CEP192: variants seen among roughly 807,000 people sequenced by gnomAD.
CEP192 encodes centrosomal protein of 192 kDa.
Under a neutral mutation model 271.8 loss-of-function variants are expected in CEP192, and 151 were observed. That is an observed-to-expected ratio of 0.56 (90% CI 0.49 to 0.64). The LOEUF is 0.64. CEP192 is among the 30% of genes least tolerant of loss of function. The pLI, the probability that CEP192 is intolerant of heterozygous loss-of-function variation, is 0.00. For missense variants in CEP192, 2,910 were observed against 3,020.5 expected, an observed-to-expected ratio of 0.96 and a Z score of 0.86; for synonymous variants, 995 against 1,076.5, an observed-to-expected ratio of 0.92 and a Z score of 1.48.
intron 21 of CEP192, among the ~76,000 whole-genome samples, chr18:13,067,426 G>C (rs997756479): frequency 1.3e-5 from 2 of 152,138 alleles, no homozygotes; most frequent in African/African-American, 4.8e-5. Context: ...CTTTTGATAT[G>C]TCTGTTTTGA....
intron 3 of CEP192, among the ~76,000 whole-genome samples, chr18:13,002,960 G>A (rs957033914): frequency 5.3e-5 from 8 of 152,070 alleles, no homozygotes; most frequent in African/African-American, 1.9e-4. Context: ...TTTTGACTGA[G>A]TGCCTACTGT....
At chr18:13,096,116 AGTT>A in intron 35 of CEP192, 65 bp from the exon 36 acceptor site, 2 of 1,510,126 alleles carry the variant, frequency 1.3e-6, no homozygotes, top group Non-Finnish European at 1.8e-6. Flanking sequence ...CTGGTTTATT[AGTT>A]GTTAATATTT....
intron 2 of CEP192, chr18:13,000,475 A>C (rs1040054460): frequency 6.6e-6 from 1 of 151,996 alleles, no homozygotes; most frequent in Non-Finnish European, 1.5e-5. Flanking sequence ...GGGTCATTGG[A>C]TCTATTTAGA....
intron 9 of CEP192, among the ~76,000 whole-genome samples, chr18:13,023,467 T>C (rs1167821793): frequency 7.0e-6 from 1 of 142,136 alleles, no homozygotes; most frequent in Non-Finnish European, 1.6e-5. Flanking sequence ...GGGTGTTAGA[T>C]TTTTGTCAAT....
chr18:13,018,514 A>T lies in CEP192; in HGVS notation c.824A>T (p.Gln275Leu), dbSNP rs1467473936. Residue 275 changes from glutamine to leucine, a missense_variant, in exon 8 of 45, where the codon CAA becomes CTA. Gln to Leu is a moderately radical substitution (Grantham distance 113, BLOSUM62 -2). Transcript: ENST00000506447. ...AACGGTAGCTTAAACTGCAAGTTTC[A>T]ATCAGAAAATAACAGCTCTCTGATT... is the stretch of plus-strand genomic sequence containing the variant. ...NENGSLNCKF[Q>L]SENNSSLISL... The T allele has an allele frequency of 2.1e-5, 32 of 1,539,662 alleles. No individual in the cohort carries two copies. Among genetic ancestry groups the T allele is most frequent in the Non-Finnish European group, 2.5e-5 (29 of 1,138,984 alleles).
At chr18:13,093,796 C>T (rs1203830945) in intron 34 of CEP192, among the ~76,000 whole-genome samples, 5 of 152,108 alleles carry the variant, frequency 3.3e-5, no homozygotes, top group East Asian at 3.9e-4. Context: ...GTTTCTTTAC[C>T]GCAAATAATT....
At chr18:12,999,627 A>AATT in intron 2 of CEP192, 39 bp downstream of exon 2, 2 of 1,446,470 alleles carry the variant, frequency 1.4e-6, no homozygotes, top group Non-Finnish European at 1.9e-6. Context: ...CAGGTCCATA[A>AATT]AGCCTATAGC....
rs1473256874 is a variant in CEP192, at chr18:13,068,850, A to C, written c.4823-2A>C. ...AAGCTAAAAGAATGAACTTTTTTTT[A>C]GATATTCTGGACTCAGCAGAAGAAT... On this transcript the variant is annotated splice_acceptor_variant, in intron 24 of 44. Transcript: ENST00000506447. LOFTEE classifies it high-confidence loss of function. The C allele has an allele frequency of 1.2e-6, 2 of 1,613,940 alleles. No homozygotes were observed. Among genetic ancestry groups the C allele is most frequent in the African/African-American group, 2.7e-5 (2 of 74,904 alleles).
chr18:13,016,155 G>T (rs1237547909), intron 6 of CEP192, among the ~76,000 whole-genome samples: 1 of 152,176 alleles, frequency 6.6e-6, no homozygotes, highest in Non-Finnish European at 1.5e-5. Context: ...GGCCCCAAAT[G>T]TGCCTGGGAA....
intron 2 of CEP192, among the ~76,000 whole-genome samples, chr18:13,000,825 C>T (rs539262396): frequency 7.9e-5 from 12 of 152,276 alleles, no homozygotes; most frequent in Admixed American, 5.9e-4. Flanking sequence ...TGATGGCGCA[C>T]GCCTCTAATC....
chr18:13,092,332 C>A, intron 33 of CEP192, 45 bp from the exon 34 acceptor site: 6 of 1,308,976 alleles, frequency 4.6e-6, no homozygotes, highest in Non-Finnish European at 6.5e-6. Flanking sequence ...TTGTGGTATG[C>A]TTGTGTGAAC....
intron 36 of CEP192, 143 bp downstream of exon 36, chr18:13,096,450 GC>G (rs2039404307): frequency 9.4e-7 from 1 of 1,069,360 alleles, no homozygotes; most frequent in Non-Finnish European, 1.3e-6. Context: ...GCATGGTTCT[GC>G]AGGTCAGCTG....
At chr18:13,059,365 T>G in intron 21 of CEP192, 53 bp downstream of exon 21, 3 of 1,449,942 alleles carry the variant, frequency 2.1e-6, no homozygotes, top group Non-Finnish European at 2.9e-6. Context: ...AAGAAGACTG[T>G]TTAACCTTAG....
chr18:13,015,550 C>A, intron 6 of CEP192, 102 bp downstream of exon 6: 2 of 1,151,134 alleles, frequency 1.7e-6, no homozygotes, highest in Non-Finnish European at 2.5e-6. Context: ...GGTTTTTTGT[C>A]CTTACCTTTT....
intron 30 of CEP192, among the ~76,000 whole-genome samples, chr18:13,084,787 C>A (rs1406988897): frequency 6.6e-6 from 1 of 151,910 alleles, no homozygotes; most frequent in Non-Finnish European, 1.5e-5. Context: ...CATTCTCACG[C>A]ATGAGATGGT....
At chr18:13,004,664 T>A (rs577624827) in intron 3 of CEP192, among the ~76,000 whole-genome samples, 1 of 152,070 alleles carries the variant, frequency 6.6e-6, no homozygotes, top group Admixed American at 6.6e-5. Context: ...AAAAAAAGGA[T>A]GTAAAATTAT....
rs553748404 is a variant in CEP192 at position 13,122,063 on chromosome 18, C to T, written c.7476-2569C>T. On this transcript the variant is annotated intron_variant, in intron 44 of 44. Coordinates refer to ENST00000506447, the MANE Select transcript of CEP192 (RefSeq NM_032142.4). ...CAACATTTTGGGAGGCCAAGACGGG[C>T]GGGTCATCTGAGGTCAGGAGTTCAA... 1.3e-4 allele frequency among the ~76,000 whole-genome samples: 20 copies of T among 152,028 alleles called. 2 individuals carry two copies. In the South Asian group the frequency reaches 3.3e-3, roughly 25 times the overall value.
At chr18:13,066,788 A>T (rs1262430381) in intron 21 of CEP192, among the ~76,000 whole-genome samples, 1 of 152,146 alleles carries the variant, frequency 6.6e-6, no homozygotes. Context: ...GCTCACAACA[A>T]GCTTGAAGTC....
chr18:13,059,955 C>G (rs2037319319), intron 21 of CEP192, among the ~76,000 whole-genome samples: 1 of 152,100 alleles, frequency 6.6e-6, no homozygotes, highest in Non-Finnish European at 1.5e-5. Context: ...GCTATCTCCT[C>G]TTAGTTGATA....
Sources: gnomAD v4.1 joint callset for allele counts (sites outside exome capture counted in the v4.1 genomes callset) on GRCh38, gnomAD v4.1.1 for gene constraint, MANE v1.5 for transcripts, NCBI Gene and HGNC (gene_info 2026-07-23, HGNC 2026-07-21) for gene names.